Variants in PXDNL observed in about 807,000 individuals in gnomAD.
PXDNL encodes probable oxidoreductase PXDNL.
Under a neutral mutation model 150.8 loss-of-function variants are expected in PXDNL, and 145 were observed. That is an observed-to-expected ratio of 0.96 (90% CI 0.84 to 1.10). The LOEUF is 1.10. Among genes scored for constraint, PXDNL ranks in the 50% least tolerant of loss-of-function variants. The probability of loss-of-function intolerance (pLI) is 0.00; values close to 1 mark genes in which losing one functional copy is unlikely to be tolerated. For missense variants in PXDNL, 2,087 were observed against 1,873.9 expected (o/e 1.11, Z -2.10); for synonymous variants, 757 against 725.7 (o/e 1.04, Z -0.69).
chr8:51,409,032 G>A lies in PXDNL; in HGVS notation c.2592C>T (p.Arg864=), dbSNP rs758075208. 2.9e-5 allele frequency: 46 copies of A among 1,610,366 alleles called. No homozygotes were observed. In the East Asian group the frequency reaches 5.1e-4, roughly 18 times the overall value. The change falls in exon 17 of 23, where the codon CGC becomes CGT. Residue 864 remains arginine, a synonymous_variant. Transcript: ENST00000356297. ...GTHAPCMLFA[R]SSPACASGRP... is the part of the protein sequence containing the mutation. ...GGCCGCTGGCACACGCGGGGCTGGA[G>A]CGCGCGAAGAGCATGCAGGGCGCGT...
At chr8:51,775,319 A>T (rs1232219750) in intron 1 of PXDNL, among the ~76,000 whole-genome samples, 2 of 152,226 alleles carry the variant, frequency 1.3e-5, no homozygotes, top group African/African-American at 4.8e-5. Context: ...CTTAATATTT[A>T]TTAACTTTAT....
chr8:51,578,058 G>T (rs373840099), intron 3 of PXDNL, among the ~76,000 whole-genome samples: 2,188 of 117,876 alleles, frequency 0.019, 176 homozygotes, highest in African/African-American at 0.067. Context: ...AGGAAAGAAA[G>T]AAAGGAAAGA....
intron 19 of PXDNL, among the ~76,000 whole-genome samples, chr8:51,367,681 A>G (rs1190369715): frequency 6.6e-6 from 1 of 152,244 alleles, no homozygotes; most frequent in Non-Finnish European, 1.5e-5. Context: ...ATTTTAAAGG[A>G]ATTACTTATA....
At chr8:51,583,253 G>T (rs150164369) in intron 3 of PXDNL, among the ~76,000 whole-genome samples, 3 of 152,042 alleles carry the variant, frequency 2.0e-5, no homozygotes, top group African/African-American at 7.2e-5. Flanking sequence ...GGAACATGGC[G>T]CCAGCATCTG....
At chr8:51,570,652 C>A (rs1026280632) in intron 3 of PXDNL, among the ~76,000 whole-genome samples, 1 of 151,912 alleles carries the variant, frequency 6.6e-6, no homozygotes, top group African/African-American at 2.4e-5. Flanking sequence ...CCATGGGAAG[C>A]TGTCCCCTGT....
rs570206619 is a variant in PXDNL at position 51,639,333 on chromosome 8, G to A, written c.236+15356C>T. On this transcript the variant is annotated intron_variant, in intron 2 of 22. Transcript: ENST00000356297. The stretch of plus-strand genomic sequence containing the variant: ...AAACACATTCAAAAGCTAGCAGAAG[G>A]CAAGAAATAACTAAGATCAGAGCAG... Among the ~76,000 whole-genome samples, 15 of 152,086 alleles carry A rather than the reference G, an allele frequency of 9.9e-5. No homozygotes were observed. In the South Asian group the frequency reaches 2.9e-3, roughly 30 times the overall value.
chr8:51,729,828 A>T (rs1387351850), intron 1 of PXDNL, among the ~76,000 whole-genome samples: 2 of 152,222 alleles, frequency 1.3e-5, no homozygotes, highest in Non-Finnish European at 2.9e-5. Flanking sequence ...AAGCCATAAA[A>T]AGACATGGAG....
chr8:51,802,237 G>A (rs1423060318), intron 1 of PXDNL, among the ~76,000 whole-genome samples: 6 of 151,144 alleles, frequency 4.0e-5, no homozygotes, highest in Admixed American at 4.0e-4. Context: ...AATGTTTCTT[G>A]GTGTTTTTAC....
intron 4 of PXDNL, among the ~76,000 whole-genome samples, chr8:51,532,600 CT>C (rs1222252781): frequency 6.6e-6 from 1 of 152,120 alleles, no homozygotes; most frequent in African/African-American, 2.4e-5. Flanking sequence ...TTTTTAACTT[CT>C]CCTTTGGTAA....
intron 11 of PXDNL, among the ~76,000 whole-genome samples, 185 bp downstream of exon 11, chr8:51,448,817 A>C (rs1353589359): frequency 6.6e-6 from 1 of 152,234 alleles, no homozygotes; most frequent in Non-Finnish European, 1.5e-5. Context: ...CCACACACTC[A>C]AATGCCAAAA....
chr8:51,463,979 A>G (rs1156668941), intron 8 of PXDNL, among the ~76,000 whole-genome samples: 1 of 152,046 alleles, frequency 6.6e-6, no homozygotes, highest in African/African-American at 2.4e-5. Context: ...AAAAGCCTAC[A>G]TGAAGTTAAG....
At chr8:51,638,948 G>A (rs942323600) in intron 2 of PXDNL, among the ~76,000 whole-genome samples, 1 of 152,126 alleles carries the variant, frequency 6.6e-6, no homozygotes, top group African/African-American at 2.4e-5. Context: ...CACATAGTTG[G>A]AAGTAAAGCA....
intron 1 of PXDNL, among the ~76,000 whole-genome samples, chr8:51,760,449 T>G (rs1383256507): frequency 1.3e-5 from 2 of 152,180 alleles, no homozygotes; most frequent in African/African-American, 4.8e-5. Context: ...GAATCCTCCC[T>G]TGGAAATTTG....
At chr8:51,790,499 T>C (rs2037501675) in intron 1 of PXDNL, among the ~76,000 whole-genome samples, 1 of 152,208 alleles carries the variant, frequency 6.6e-6, no homozygotes, top group South Asian at 2.1e-4. Flanking sequence ...TAAGACGAGG[T>C]CCTGAGTTGC....
At chr8:51,443,020 C>T (rs189872326) in intron 12 of PXDNL, among the ~76,000 whole-genome samples, 98 of 152,168 alleles carry the variant, frequency 6.4e-4, no homozygotes, top group African/African-American at 2.1e-3. Context: ...AGGTTTAACA[C>T]GTGGAATAAT....
chr8:51,344,037 A>T (rs886922715), intron 20 of PXDNL, among the ~76,000 whole-genome samples: 1 of 152,176 alleles, frequency 6.6e-6, no homozygotes, highest in Non-Finnish European at 1.5e-5. Flanking sequence ...AATGTTCTGG[A>T]AGAATGTTCT....
intron 5 of PXDNL, among the ~76,000 whole-genome samples, chr8:51,487,379 A>G (rs1358337468): frequency 1.3e-5 from 2 of 151,980 alleles, no homozygotes; most frequent in Non-Finnish European, 2.9e-5. Context: ...AAGTAGAGTT[A>G]AAGTCATATT....
intron 14 of PXDNL, among the ~76,000 whole-genome samples, chr8:51,414,386 A>C: frequency 6.6e-6 from 1 of 151,926 alleles, no homozygotes; most frequent in African/African-American, 2.4e-5. Context: ...CACCAACATA[A>C]AATAATTTTA....
At chr8:51,732,347 G>C (rs1323192147) in intron 1 of PXDNL, among the ~76,000 whole-genome samples, 2 of 152,126 alleles carry the variant, frequency 1.3e-5, no homozygotes, top group Non-Finnish European at 2.9e-5. Context: ...TTCCCAACAA[G>C]TTCCTCATCT....
Sources: gnomAD v4.1 joint callset for allele counts (sites outside exome capture counted in the v4.1 genomes callset) on GRCh38, gnomAD v4.1.1 for gene constraint, MANE v1.5 for transcripts, NCBI Gene and HGNC (gene_info 2026-07-23, HGNC 2026-07-21) for gene names.